Variants in SDK2 observed in about 807,000 individuals in gnomAD.
SDK2 encodes the protein protein sidekick-2.
In SDK2, 105 loss-of-function variants were observed where a neutral mutation model predicts 253.9. The observed-to-expected ratio is 0.41, with a 90% CI of 0.35 to 0.49. The LOEUF (loss-of-function observed/expected upper bound fraction) is 0.49. Ranked by LOEUF, SDK2 falls within the 20% of genes least tolerant of loss-of-function variation. The pLI is 0.06. For synonymous variants in SDK2, 1,249 were observed against 1,234.9 expected (o/e 1.01, Z -0.24); for missense variants, 2,608 against 3,003.0 (o/e 0.87, Z 3.07).
At chr17:73,490,948 C>A (rs1015606087) in intron 2 of SDK2, among the ~76,000 whole-genome samples, 1 of 152,104 alleles carries the variant, frequency 6.6e-6, no homozygotes, top group Non-Finnish European at 1.5e-5. Context: ...AACCAAGGAA[C>A]AAAGATGTTA....
chr17:73,569,599 C>T (rs2145864662), intron 1 of SDK2, among the ~76,000 whole-genome samples: 1 of 151,602 alleles, frequency 6.6e-6, no homozygotes, highest in South Asian at 2.1e-4. Context: ...TCCCCACCCC[C>T]AACGAATTAA....
intron 1 of SDK2, among the ~76,000 whole-genome samples, chr17:73,614,191 C>G (rs2046017720): frequency 6.6e-6 from 1 of 151,862 alleles, no homozygotes; most frequent in South Asian, 2.1e-4. Context: ...AGCCTCTAGG[C>G]CTTTGCCCTG....
intron 3 of SDK2, among the ~76,000 whole-genome samples, chr17:73,466,713 AC>A (rs1277464383): frequency 1.2e-5 from 1 of 81,904 alleles, no homozygotes; most frequent in African/African-American, 6.8e-5. Flanking sequence ...GCTCTGGGGA[AC>A]GCCCCCCCCC....
Position 73,395,467 on chromosome 17 carries a change from C to A in SDK2, c.3355-75G>T. Reference sequence around the variant, plus strand: ...GTGCAGGGAGGAACTGCCCTGCTACCCTCTCCTCCAGGGCGCCTTCAGGGC... The same window carrying A: ...GTGCAGGGAGGAACTGCCCTGCTACACTCTCCTCCAGGGCGCCTTCAGGGC... On this transcript the variant is annotated intron_variant, in intron 24 of 44. Coordinates refer to ENST00000392650, the MANE Select transcript of SDK2 (RefSeq NM_001144952.2). The surrounding 1 kb of genome is among the most constrained non-coding windows in gnomAD (Gnocchi z 4.3). 1 of 1,262,428 alleles carries A rather than the reference C, an allele frequency of 7.9e-7. No homozygotes were observed. Among genetic ancestry groups the A allele is most frequent in the South Asian group, 1.3e-5 (1 of 77,956 alleles). The allele number at this position is 1,262,428 out of a possible 1,614,324, so 78.2% of individuals were successfully genotyped here. A position where few individuals can be genotyped will look rare whatever the true frequency, so the allele number is the denominator to read the frequency against.
intron 2 of SDK2, among the ~76,000 whole-genome samples, chr17:73,487,017 T>A (rs1036872313): frequency 4.6e-5 from 7 of 152,192 alleles, no homozygotes; most frequent in African/African-American, 1.7e-4. Flanking sequence ...CACTGCAACC[T>A]CTGCCTCCCA....
In SDK2 at chr17:73,609,108, A is replaced by G. The variant is rs750801518; in HGVS notation, c.64+34917T>C. Among the ~76,000 whole-genome samples, 1 of 152,220 alleles carries G rather than the reference A, an allele frequency of 6.6e-6. No individual in the cohort carries two copies. Among genetic ancestry groups the G allele is most frequent in the Non-Finnish European group, 1.5e-5 (1 of 68,042 alleles). ...AAAGCCTGGGAAGGCCGCTGGAGGA[A>G]AGCCTTTTTGGGGAAGATCAGGAGT... On this transcript the variant is annotated intron_variant, in intron 1 of 44. Coordinates refer to ENST00000392650, the MANE Select transcript of SDK2 (RefSeq NM_001144952.2). The surrounding 1 kb of genome is among the most constrained non-coding windows in gnomAD (Gnocchi z 4.4).
chr17:73,339,944 C>G (rs2062420512), intron 44 of SDK2, among the ~76,000 whole-genome samples: 1 of 152,056 alleles, frequency 6.6e-6, no homozygotes, highest in Non-Finnish European at 1.5e-5. Context: ...AATCTGGGCT[C>G]ACTGCAACCT....
chr17:73,398,368 T>A lies in SDK2; in HGVS notation c.3155A>T (p.Asp1052Val). The change falls in exon 23 of 45, where the codon GAT becomes GTT. Residue 1052 changes from aspartate to valine, a missense_variant. Asp to Val is a radical substitution (Grantham distance 152). Around this residue, in one of 2 missense-constraint regions of SDK2, gnomAD observed 1,505 missense variants for 1,859.1 expected, o/e 0.81. Coordinates refer to ENST00000392650, the MANE Select transcript of SDK2 (RefSeq NM_001144952.2). Reference sequence around the variant, plus strand: ...GTCGGGCACCTCCATGGAGCGGGCATCGGGCTCATTGGAGAGCTGGTGGAT... The same window carrying A: ...GTCGGGCACCTCCATGGAGCGGGCAACGGGCTCATTGGAGAGCTGGTGGAT... ...LLIHQLSNEP[D>V]ARSMEVPDLN... 1 of 1,613,896 alleles carries A rather than the reference T, an allele frequency of 6.2e-7. No individual in the cohort carries two copies. Among genetic ancestry groups the A allele is most frequent in the East Asian group, 2.2e-5 (1 of 44,856 alleles).
intron 3 of SDK2, among the ~76,000 whole-genome samples, chr17:73,469,984 G>A (rs2063632904): frequency 2.3e-5 from 2 of 86,848 alleles, no homozygotes; most frequent in Non-Finnish European, 2.5e-5. Context: ...TTGCGACTGC[G>A]CGCGCGCGCA....
At chr17:73,396,072 G>A (rs2062968739) in intron 24 of SDK2, among the ~76,000 whole-genome samples, 1 of 152,046 alleles carries the variant, frequency 6.6e-6, no homozygotes, top group South Asian at 2.1e-4. Context: ...AAGTTTTGTA[G>A]AGACGAGGTT....
At chr17:73,364,695 T>C (rs1733643932) in intron 38 of SDK2, among the ~76,000 whole-genome samples, 1 of 152,110 alleles carries the variant, frequency 6.6e-6, no homozygotes. Flanking sequence ...GATCCCGGCT[T>C]ACTGCAACCT....
chr17:73,637,201 G>A (rs2046343230), intron 1 of SDK2, among the ~76,000 whole-genome samples: 1 of 152,166 alleles, frequency 6.6e-6, no homozygotes, highest in Admixed American at 6.5e-5. Flanking sequence ...ATGAAATGCA[G>A]AGACCACAAT....
chr17:73,349,348 C>A (rs776431955), intron 43 of SDK2, among the ~76,000 whole-genome samples: 11 of 152,236 alleles, frequency 7.2e-5, no homozygotes, highest in African/African-American at 2.2e-4. Context: ...AAGACAGAGA[C>A]AGAGGGAAGC....
intron 1 of SDK2, among the ~76,000 whole-genome samples, chr17:73,538,652 G>A (rs532009695): frequency 7.2e-5 from 11 of 152,338 alleles, no homozygotes; most frequent in East Asian, 5.8e-4. Flanking sequence ...CTGGGGATTC[G>A]GGGAGGGAAG....
At chr17:73,499,116 A>G (rs752736277) in intron 2 of SDK2, among the ~76,000 whole-genome samples, 6 of 152,200 alleles carry the variant, frequency 3.9e-5, no homozygotes, top group Non-Finnish European at 7.3e-5. Context: ...CTGCCTCCCC[A>G]TCTCTGCTGC....
At chr17:73,469,992 G>GCGCGCGCACACACA (rs1328450219) in intron 3 of SDK2, among the ~76,000 whole-genome samples, 12 of 126,184 alleles carry the variant, frequency 9.5e-5, no homozygotes, top group African/African-American at 3.7e-4. Context: ...GCGCGCGCGC[G>GCGCGCGCACACACA]CACACACACA....
At chr17:73,499,535 C>T (rs920455208) in intron 2 of SDK2, among the ~76,000 whole-genome samples, 2 of 152,340 alleles carry the variant, frequency 1.3e-5, no homozygotes, top group African/African-American at 2.4e-5. Context: ...GCTTGCCTCT[C>T]GGAAGGGGGT....
intron 15 of SDK2, among the ~76,000 whole-genome samples, chr17:73,420,808 T>C (rs1265384602): frequency 6.6e-6 from 1 of 151,888 alleles, no homozygotes; most frequent in African/African-American, 2.4e-5. Context: ...CCTGAATAGC[T>C]GGGATTACAG....
intron 37 of SDK2, among the ~76,000 whole-genome samples, chr17:73,365,967 G>T (rs2062681333): frequency 6.6e-6 from 1 of 152,136 alleles, no homozygotes; most frequent in Non-Finnish European, 1.5e-5. Context: ...TGTTTTCTCG[G>T]ACCAAGAACC....
Sources: gnomAD v4.1 joint callset for allele counts (sites outside exome capture counted in the v4.1 genomes callset) on GRCh38, gnomAD v4.1.1 for gene constraint, gnomAD v4.1.1 regional missense constraint, Gnocchi (gnomAD v3.1) non-coding constraint, MANE v1.5 for transcripts, NCBI Gene and HGNC (gene_info 2026-07-23, HGNC 2026-07-21) for gene names.